Variants in DCC observed in about 807,000 individuals in gnomAD.
The protein encoded by DCC is DCC netrin 1 receptor.
Under a neutral mutation model 172.5 loss-of-function variants are expected in DCC, and 58 were observed. That is an observed-to-expected ratio of 0.34 (90% CI 0.27 to 0.42). DCC has a LOEUF of 0.42. DCC is among the 10% of genes least tolerant of loss of function. The pLI is 1.00. For synonymous variants in DCC, 709 were observed against 644.5 expected, an observed-to-expected ratio of 1.10 and a Z score of -1.52; for missense variants, 1,740 against 1,791.0, an observed-to-expected ratio of 0.97 and a Z score of 0.51.
intron 21 of DCC, among the ~76,000 whole-genome samples, chr18:53,416,914 G>A (rs1910343175): frequency 6.6e-6 from 1 of 152,172 alleles, no homozygotes; most frequent in Non-Finnish European, 1.5e-5. Flanking sequence ...AAAGCTGAGG[G>A]AGACAATGAA....
At chr18:52,951,082 G>A (rs915567263) in intron 5 of DCC, among the ~76,000 whole-genome samples, 2 of 151,286 alleles carry the variant, frequency 1.3e-5, no homozygotes, top group African/African-American at 4.9e-5. Flanking sequence ...GCTCGGTCCT[G>A]CATTGCCAGC....
At chr18:53,374,295 G>A (rs1409705711) in intron 15 of DCC, among the ~76,000 whole-genome samples, 1 of 152,148 alleles carries the variant, frequency 6.6e-6, no homozygotes, top group Non-Finnish European at 1.5e-5. Context: ...GTACCATGGG[G>A]CAATGCTGTT....
intron 3 of DCC, among the ~76,000 whole-genome samples, chr18:52,919,436 A>G (rs959355317): frequency 1.3e-5 from 2 of 152,190 alleles, no homozygotes; most frequent in African/African-American, 4.8e-5. Flanking sequence ...TTATCAAATG[A>G]TATAAAGAAA....
intron 14 of DCC, among the ~76,000 whole-genome samples, chr18:53,339,488 A>G (rs1268614909): frequency 1.3e-5 from 2 of 152,226 alleles, no homozygotes; most frequent in Non-Finnish European, 2.9e-5. Context: ...GCTACCTACC[A>G]TGCCCATGGA....
At chr18:52,963,811 A>G (rs1189433510) in intron 5 of DCC, among the ~76,000 whole-genome samples, 1 of 146,310 alleles carries the variant, frequency 6.8e-6, no homozygotes, top group Non-Finnish European at 1.5e-5. Flanking sequence ...ATTGAAAGCT[A>G]TTTCTGATTA....
chr18:53,480,058 TTCTG>T (rs1390341795), intron 25 of DCC, among the ~76,000 whole-genome samples: 41 of 152,326 alleles, frequency 2.7e-4, no homozygotes, highest in African/African-American at 9.4e-4. Context: ...TGGCCTCATC[TTCTG>T]TCTAATATCA....
At chr18:53,263,450 C>G (rs2056629735) in intron 12 of DCC, among the ~76,000 whole-genome samples, 1 of 152,128 alleles carries the variant, frequency 6.6e-6, no homozygotes, top group Middle Eastern at 3.2e-3. Flanking sequence ...CCACACCCAG[C>G]CTGAAGTGTG....
At chr18:52,886,383 T>C (rs1282385556) in intron 2 of DCC, among the ~76,000 whole-genome samples, 1 of 152,162 alleles carries the variant, frequency 6.6e-6, no homozygotes, top group Admixed American at 6.5e-5. Flanking sequence ...CCAAATTCTC[T>C]GTCCATGAAT....
intron 2 of DCC, among the ~76,000 whole-genome samples, chr18:52,820,500 T>C (rs1037328836): frequency 2.0e-5 from 3 of 151,810 alleles, no homozygotes; most frequent in Admixed American, 6.6e-5. Context: ...ATGTTTTTTT[T>C]CTCAATTTCT....
intron 1 of DCC, among the ~76,000 whole-genome samples, chr18:52,481,783 G>A (rs1238984554): frequency 1.3e-5 from 2 of 151,714 alleles, no homozygotes; most frequent in Non-Finnish European, 2.9e-5. Context: ...GCAAAATGGG[G>A]ATAATAACAC....
At chr18:52,502,501 G>T (rs1259733508) in intron 1 of DCC, among the ~76,000 whole-genome samples, 3 of 152,102 alleles carry the variant, frequency 2.0e-5, no homozygotes, top group Non-Finnish European at 4.4e-5. Flanking sequence ...CTTGCCTGTT[G>T]GGTGGGACTC....
rs540964302 is a variant in DCC, at chr18:52,688,162, T to C, written c.92-63892T>C. On this transcript the variant is annotated intron_variant, in intron 1 of 28. Transcript: ENST00000442544. ...TTTTGGTATATTGTATAATTAACAA[T>C]GACTTTTGCCTTGAGGTCAACATAC... Among the ~76,000 whole-genome samples, 95 of 151,764 alleles carry C rather than the reference T, an allele frequency of 6.3e-4. 2 individuals are homozygous for C. The South Asian group carries it at 0.019, about 31-fold the overall frequency.
At chr18:53,341,944 A>G (rs1045101822) in intron 15 of DCC, among the ~76,000 whole-genome samples, 1 of 152,076 alleles carries the variant, frequency 6.6e-6, no homozygotes, top group African/African-American at 2.4e-5. Context: ...CTCTCTAGTC[A>G]TTACATATAC....
intron 18 of DCC, among the ~76,000 whole-genome samples, chr18:53,399,382 C>G (rs1231311263): frequency 6.6e-6 from 1 of 151,962 alleles, no homozygotes; most frequent in African/African-American, 2.4e-5. Flanking sequence ...CCATGGAATT[C>G]CCAACTGATA....
intron 1 of DCC, among the ~76,000 whole-genome samples, chr18:52,655,964 G>A (rs2035235446): frequency 7.9e-6 from 1 of 127,382 alleles, no homozygotes. Context: ...ATATGTGTGT[G>A]TGTGTGTGTG....
At chr18:53,147,297 C>A (rs193163021) in intron 7 of DCC, among the ~76,000 whole-genome samples, 1 of 152,108 alleles carries the variant, frequency 6.6e-6, no homozygotes, top group Non-Finnish European at 1.5e-5. Context: ...TAGAAGTAGT[C>A]GGGGCCTTTT....
intron 12 of DCC, among the ~76,000 whole-genome samples, chr18:53,258,200 T>C (rs1345168498): frequency 2.0e-5 from 3 of 152,180 alleles, no homozygotes; most frequent in Non-Finnish European, 2.9e-5. Context: ...GTTTTTTGTG[T>C]CTCTATTTCC....
intron 5 of DCC, chr18:52,941,260 G>A (rs1031813267): frequency 6.6e-5 from 10 of 151,980 alleles, no homozygotes; most frequent in African/African-American, 2.4e-4. Context: ...TTCATGAACT[G>A]GAAAGATAAT....
intron 7 of DCC, among the ~76,000 whole-genome samples, chr18:53,089,425 C>G (rs900480530): frequency 6.6e-6 from 1 of 152,042 alleles, no homozygotes; most frequent in Admixed American, 6.6e-5. Flanking sequence ...CTCTTTCATG[C>G]CTTGTGTCTA....
Sources: allele counts gnomAD v4.1 joint callset (sites outside exome capture counted in the v4.1 genomes callset), GRCh38; gene constraint gnomAD v4.1.1; transcripts MANE v1.5; gene names NCBI Gene and HGNC (gene_info 2026-07-23, HGNC 2026-07-21).